Variants in CUX1 observed in about 807,000 individuals in gnomAD.
CUX1 encodes the protein protein CASP.
In CUX1, 31 loss-of-function variants were observed where a neutral mutation model predicts 158.8. The observed-to-expected ratio is 0.20, with a 90% CI of 0.15 to 0.26. The LOEUF (loss-of-function observed/expected upper bound fraction) is 0.26, where lower values mean the gene tolerates loss of function less well. Among genes scored for constraint, CUX1 ranks in the 10% least tolerant of loss-of-function variants. The pLI is 1.00. For missense variants in CUX1, 1,589 were observed against 2,014.6 expected (o/e 0.79, Z 4.04); for synonymous variants, 879 against 862.1 (o/e 1.02, Z -0.34).
At chr7:101,873,736 A>G (rs1798834227) in intron 1 of CUX1, among the ~76,000 whole-genome samples, 2 of 152,002 alleles carry the variant, frequency 1.3e-5, no homozygotes, top group Non-Finnish European at 2.9e-5. Flanking sequence ...GGCGTGCACT[A>G]CCACACTCGG....
At chr7:102,104,942 G>A (rs1310294560) in intron 6 of CUX1, among the ~76,000 whole-genome samples, 1 of 152,148 alleles carries the variant, frequency 6.6e-6, no homozygotes, top group African/African-American at 2.4e-5. Context: ...AAATGCATCT[G>A]TCTTTCCCAA....
intron 1 of CUX1, among the ~76,000 whole-genome samples, chr7:101,896,469 G>T (rs1562976046): frequency 6.6e-6 from 1 of 152,228 alleles, no homozygotes; most frequent in African/African-American, 2.4e-5. Flanking sequence ...TGAACAGATT[G>T]CTGGTATTGC....
At chr7:102,022,526 G>A (rs2129322460) in intron 2 of CUX1, among the ~76,000 whole-genome samples, 1 of 152,144 alleles carries the variant, frequency 6.6e-6, no homozygotes, top group Non-Finnish European at 1.5e-5. Flanking sequence ...GCTGAGATGG[G>A]AGGATTGCTC....
chr7:101,947,134 A>G (rs182734581), intron 2 of CUX1, among the ~76,000 whole-genome samples: 2 of 152,296 alleles, frequency 1.3e-5, no homozygotes, highest in African/African-American at 2.4e-5. Context: ...CACACTTGCA[A>G]TCCCAGCACT....
intron 11 of CUX1, among the ~76,000 whole-genome samples, chr7:102,185,078 T>A (rs572020406): frequency 7.2e-5 from 11 of 152,268 alleles, no homozygotes; most frequent in African/African-American, 2.6e-4. Flanking sequence ...TGCTACAGAA[T>A]AGCGGGGACC....
At chr7:102,218,432 C>A (rs1295903719) in intron 20 of CUX1, among the ~76,000 whole-genome samples, 1 of 152,206 alleles carries the variant, frequency 6.6e-6, no homozygotes, top group Non-Finnish European at 1.5e-5. Flanking sequence ...GCCTGTAATC[C>A]CAGCACTTTG....
intron 1 of CUX1, among the ~76,000 whole-genome samples, chr7:101,902,356 A>G (rs531515660): frequency 1.3e-4 from 20 of 152,208 alleles, no homozygotes; most frequent in Non-Finnish European, 2.4e-4. Flanking sequence ...ATTGGAGGCC[A>G]GCACTGTCCC....
Position 102,178,585 on chromosome 7 carries a change from G to C in CUX1, c.945G>C (p.Lys315Asn). The C allele has an allele frequency of 1.2e-6, 2 of 1,612,404 alleles. No individual in the cohort carries two copies. Among genetic ancestry groups the C allele is most frequent in the African/African-American group, 1.3e-5 (1 of 75,046 alleles). ...DVQRLQASLT[K>N]LRENSASQIS... ...AGAGACTCCAGGCCAGCCTCACCAA[G>C]CTGCGGGAGAATTCGGCCAGCCAGA... Residue 315 changes from lysine (K) to asparagine (N), a missense_variant, in exon 11 of 24, where the codon AAG becomes AAC. Physicochemically the swap from Lys to Asn is moderately conservative, Grantham distance 94. Around this residue, in one of 8 missense-constraint regions of CUX1, gnomAD observed 515 missense variants for 574.4 expected, o/e 0.90. Coordinates refer to ENST00000292535, the MANE Select transcript of CUX1 (RefSeq NM_181552.4).
At chr7:101,881,568 TC>T (rs1799707965) in intron 1 of CUX1, among the ~76,000 whole-genome samples, 1 of 152,240 alleles carries the variant, frequency 6.6e-6, no homozygotes, top group African/African-American at 2.4e-5. Flanking sequence ...AGAAATCTGT[TC>T]CCGTCCAATA....
intron 1 of CUX1, among the ~76,000 whole-genome samples, chr7:101,847,964 G>A (rs1461030907): frequency 1.3e-5 from 2 of 149,898 alleles, no homozygotes; most frequent in Non-Finnish European, 3.0e-5. Context: ...AGGCTGAGGC[G>A]GGAGAATCAC....
intron 1 of CUX1, among the ~76,000 whole-genome samples, chr7:101,886,170 A>G (rs1385069310): frequency 6.6e-6 from 1 of 151,968 alleles, no homozygotes; most frequent in East Asian, 1.9e-4. Flanking sequence ...CAGTGACCCT[A>G]CAGGGTCTGC....
chr7:101,831,222 G>T (rs1259543062), intron 1 of CUX1, among the ~76,000 whole-genome samples: 1 of 152,102 alleles, frequency 6.6e-6, no homozygotes, highest in Non-Finnish European at 1.5e-5. Flanking sequence ...TCTCCTGTGT[G>T]CCGGGCAGCA....
At chr7:102,175,054 C>T (rs782571187) in intron 10 of CUX1, among the ~76,000 whole-genome samples, 3 of 152,228 alleles carry the variant, frequency 2.0e-5, no homozygotes, top group Non-Finnish European at 4.4e-5. Flanking sequence ...TTAGTTCGTG[C>T]GAGACAGCGA....
At chr7:102,176,901 GTAC>G (rs1366704921) in intron 10 of CUX1, among the ~76,000 whole-genome samples, 1 of 149,892 alleles carries the variant, frequency 6.7e-6, no homozygotes, top group Non-Finnish European at 1.5e-5. Flanking sequence ...GTTGAAAAAA[GTAC>G]TACTTGAGTC....
rs139489345 is a variant in CUX1 at position 102,204,316 on chromosome 7, G to A, written c.2908-75G>A. ...TAGACGCGCCCTCTGCGTGGTGGGT[G>A]TGCATTGCAGCAGCATCTGTGGTGT... On this transcript the variant is annotated intron_variant, in intron 18 of 23. Coordinates refer to ENST00000292535, the MANE Select transcript of CUX1 (RefSeq NM_181552.4). 1,383 of 1,566,384 alleles carry A rather than the reference G, an allele frequency of 8.8e-4. 2 individuals carry two copies. Among genetic ancestry groups the A allele is most frequent in the Non-Finnish European group, 1.0e-3 (1,163 of 1,148,928 alleles).
At chr7:102,029,760 T>G (rs1212334805) in intron 3 of CUX1, among the ~76,000 whole-genome samples, 1 of 152,170 alleles carries the variant, frequency 6.6e-6, no homozygotes, top group Non-Finnish European at 1.5e-5. Flanking sequence ...TGGATGGACT[T>G]GAACAGTCTT....
At chr7:102,000,225 AAAG>A (rs971268832) in intron 2 of CUX1, among the ~76,000 whole-genome samples, 1 of 150,838 alleles carries the variant, frequency 6.6e-6, no homozygotes, top group South Asian at 2.1e-4. Context: ...TCAAAAAAAA[AAAG>A]AGAGAGAGAG....
At chr7:101,921,722 G>A (rs1483754051) in intron 2 of CUX1, among the ~76,000 whole-genome samples, 3 of 152,102 alleles carry the variant, frequency 2.0e-5, no homozygotes, top group Admixed American at 6.5e-5. Context: ...TCGGCCTCCC[G>A]AAGTGCCAAG....
chr7:102,201,927 A>C lies in CUX1; in HGVS notation c.2630A>C (p.Glu877Ala). 1 of 1,614,120 alleles carries C rather than the reference A, an allele frequency of 6.2e-7. No homozygotes were observed. Among genetic ancestry groups the C allele is most frequent in the Non-Finnish European group, 8.5e-7 (1 of 1,180,028 alleles). The change falls in exon 18 of 24, where the codon GAG (glutamate) becomes GCG (alanine). Residue 877 changes from glutamate (E) to alanine (A), a missense_variant. By Grantham distance (107) the Glu-to-Ala change is moderately radical. Around this residue, in one of 8 missense-constraint regions of CUX1, gnomAD observed 337 missense variants for 409.3 expected, o/e 0.82. Transcript: ENST00000292535. The surrounding 1 kb of genome is among the most constrained non-coding windows in gnomAD (Gnocchi z 5.0). ...RSQLQGPSSS[E>A]YWKEWPSAES... is the part of the protein sequence containing the mutation. Reference sequence around the variant, plus strand: ...CAGCTCCAGGGACCCTCGTCGTCAGAGTACTGGAAGGAGTGGCCCAGCGCT... The same window carrying C: ...CAGCTCCAGGGACCCTCGTCGTCAGCGTACTGGAAGGAGTGGCCCAGCGCT...
Sources: gnomAD v4.1 joint callset for allele counts (sites outside exome capture counted in the v4.1 genomes callset) on GRCh38, gnomAD v4.1.1 for gene constraint, gnomAD v4.1.1 regional missense constraint, Gnocchi (gnomAD v3.1) non-coding constraint, MANE v1.5 for transcripts, NCBI Gene and HGNC (gene_info 2026-07-23, HGNC 2026-07-21) for gene names.